TRAF3IP3: variants seen among roughly 807,000 people sequenced by gnomAD.
The protein encoded by TRAF3IP3 is TRAF3 interacting protein 3, also known as TRAF3-interacting JNK-activating modulator.
A neutral mutation model predicts 86.5 loss-of-function variants in TRAF3IP3; 64 were observed. The observed-to-expected ratio is 0.74, with a 90% CI of 0.60 to 0.91. The LOEUF (loss-of-function observed/expected upper bound fraction) is 0.91. Ranked by LOEUF, TRAF3IP3 falls within the 40% of genes least tolerant of loss-of-function variation. The pLI is 0.00. For synonymous variants in TRAF3IP3, 220 were observed against 243.9 expected, an observed-to-expected ratio of 0.90 and a Z score of 0.91; for missense variants, 579 against 642.9, an observed-to-expected ratio of 0.90 and a Z score of 1.07.
intron 14 of TRAF3IP3, chr1:209,779,760 G>GAAT: frequency 1.9e-6 from 1 of 517,078 alleles, no homozygotes; most frequent in Non-Finnish European, 3.4e-6. Context: ...GCCCTAGAGA[G>GAAT]TCTACTGTCC....
intron 15 of TRAF3IP3, chr1:209,780,839 A>G: frequency 3.3e-6 from 1 of 299,384 alleles, no homozygotes; most frequent in Admixed American, 5.1e-5. Context: ...TAGAAAGTCG[A>G]CCAAAACTCA....
intron 9 of TRAF3IP3, 84 bp downstream of exon 9, chr1:209,773,103 G>T: frequency 8.3e-7 from 1 of 1,204,366 alleles, no homozygotes; most frequent in South Asian, 1.4e-5. Flanking sequence ...TTACTTTCGA[G>T]AAACACCACC....
At chr1:209,775,806 T>G in intron 11 of TRAF3IP3, 70 bp downstream of exon 11, 1 of 1,484,356 alleles carries the variant, frequency 6.7e-7, no homozygotes, top group South Asian at 1.3e-5. Flanking sequence ...AAGAAGCTGT[T>G]CTGGATTAGG....
intron 14 of TRAF3IP3, 173 bp downstream of exon 14, chr1:209,779,547 A>G (rs1391333066): frequency 1.4e-6 from 1 of 719,598 alleles, no homozygotes; most frequent in Non-Finnish European, 2.6e-6. Context: ...GGACACTTCA[A>G]CTAGTTAGCC....
chr1:209,769,965 G>C (rs1195471898), intron 8 of TRAF3IP3, among the ~76,000 whole-genome samples: 4 of 152,120 alleles, frequency 2.6e-5, no homozygotes, highest in Non-Finnish European at 5.9e-5. Flanking sequence ...ACTCCAGGCT[G>C]GAAGAACAAA....
Position 209,762,544 on chromosome 1 carries a change from A to T in TRAF3IP3, c.375A>T (p.Pro125=), listed in dbSNP as rs1458729202. The T allele has an allele frequency of 6.8e-7, 1 of 1,478,986 alleles. No individual in the cohort carries two copies. The highest frequency in any genetic ancestry group is 9.0e-7 in the Non-Finnish European group (1 of 1,115,072). The allele number at this position is 1,478,986 out of a possible 1,614,324, so 91.6% of individuals were successfully genotyped here. A position where few individuals can be genotyped will look rare whatever the true frequency, so the allele number is the denominator to read the frequency against. ...CAGGCACCAGCTCTGAAGTCTTTCC[A>T]GCCCAGCATCCTCCTCCCTCAGGCA... is the stretch of plus-strand genomic sequence containing the variant. The part of the protein sequence containing the change: ...QVTGTSSEVF[P]AQHPPPSGIC... Residue 125 remains proline (P), a synonymous_variant, in exon 4 of 17, where the codon CCA becomes CCT. Transcript: ENST00000367025.
At chr1:209,765,217 GA>G (rs1199260631) in intron 8 of TRAF3IP3, among the ~76,000 whole-genome samples, 5,750 of 94,100 alleles carry the variant, frequency 0.061, 861 homozygotes, top group African/African-American at 0.18. Context: ...GAGAGAGGGA[GA>G]GAGAGAGAGA....
intron 12 of TRAF3IP3, 180 bp downstream of exon 12, chr1:209,777,667 G>A (rs2077686733): frequency 3.1e-6 from 2 of 648,750 alleles, no homozygotes; most frequent in Admixed American, 6.4e-5. Context: ...ATCCAAAATT[G>A]AAAATTAATT....
chr1:209,774,191 T>C (rs138165518), intron 9 of TRAF3IP3, among the ~76,000 whole-genome samples: 57 of 152,322 alleles, frequency 3.7e-4, no homozygotes, highest in African/African-American at 1.2e-3. Context: ...CCCAGTGAAT[T>C]TGCAAAGCTG....
intron 8 of TRAF3IP3, chr1:209,768,801 C>A: frequency 3.2e-6 from 2 of 630,624 alleles, no homozygotes; most frequent in Non-Finnish European, 4.0e-6. Flanking sequence ...TAACACTGGG[C>A]TTCAGTGTGG....
At chr1:209,768,362 G>C in intron 8 of TRAF3IP3, 3 of 985,464 alleles carry the variant, frequency 3.0e-6, no homozygotes, top group Non-Finnish European at 3.6e-6. Context: ...CTCCTGAGGA[G>C]GGTCCAACCT....
chr1:209,770,823 G>A (rs2077473248), intron 8 of TRAF3IP3, among the ~76,000 whole-genome samples: 1 of 52,714 alleles, frequency 1.9e-5, no homozygotes, highest in African/African-American at 5.9e-5. Context: ...GCAGGTGGAG[G>A]TGTGTGTCTA....
intron 1 of TRAF3IP3, 162 bp from the exon 2 acceptor site, chr1:209,758,872 G>A (rs761994603): frequency 1.3e-5 from 2 of 152,736 alleles, no homozygotes; most frequent in Non-Finnish European, 2.9e-5. Context: ...GGGAAGAGTA[G>A]GAAAGAGAAA....
chr1:209,768,438 G>A (rs1057438239), intron 8 of TRAF3IP3: 1 of 985,400 alleles, frequency 1.0e-6, no homozygotes, highest in African/African-American at 1.7e-5. Context: ...ACAAAAACGA[G>A]AGCAGGGCAG....
At chr1:209,775,127 T>C (rs749981571) in intron 9 of TRAF3IP3, among the ~76,000 whole-genome samples, 2 of 152,158 alleles carry the variant, frequency 1.3e-5, no homozygotes, top group East Asian at 1.9e-4. Context: ...GCCTCAGATA[T>C]AATGCCCAGG....
chr1:209,774,312 T>G (rs2077607818), intron 9 of TRAF3IP3, among the ~76,000 whole-genome samples: 1 of 152,220 alleles, frequency 6.6e-6, no homozygotes, highest in Non-Finnish European at 1.5e-5. Flanking sequence ...TGATTTTTTT[T>G]TAAAGCAGCA....
rs772117875 is a variant in TRAF3IP3 at position 209,760,390 on chromosome 1, C to CCGT, written c.345+7_345+9dup. On this transcript the variant is annotated splice_region_variant and intron_variant, in intron 3 of 16. Transcript: ENST00000367025. ...TTTCTTCTCCCAGAGAGCAGGTGGG[C>CCGT]CGTGTCAAGGGACATACTGCTGTGT... 5.7e-6 allele frequency: 9 copies of CCGT among 1,573,278 alleles called. No homozygotes were observed. Among genetic ancestry groups the CCGT allele is most frequent in the Non-Finnish European group, 6.9e-6 (8 of 1,158,984 alleles).
intron 1 of TRAF3IP3, among the ~76,000 whole-genome samples, chr1:209,758,067 G>A (rs989151956): frequency 6.9e-6 from 1 of 145,948 alleles, no homozygotes; most frequent in Non-Finnish European, 1.6e-5. Flanking sequence ...CAGGGATGCT[G>A]TGAGTGTAGG....
In TRAF3IP3 at chr1:209,781,916, G is replaced by C. The variant is rs556508372; in HGVS notation, c.1564-140G>C. 6.5e-5 allele frequency: 42 copies of C among 643,984 alleles called. No individual in the cohort carries two copies. In the East Asian group the frequency reaches 1.1e-3, roughly 17 times the overall value. The allele number at this position is 643,984 out of a possible 1,614,324, so 39.9% of individuals were successfully genotyped here. ...TTATCCCAAGACAGGTGACAAAATG[G>C]GAGACAGAGTAAAAAGCTTTTTCTC... On this transcript the variant is annotated intron_variant, in intron 16 of 16. Coordinates refer to ENST00000367025, the MANE Select transcript of TRAF3IP3 (RefSeq NM_025228.4).
Sources: allele counts gnomAD v4.1 joint callset (sites outside exome capture counted in the v4.1 genomes callset), GRCh38; gene constraint gnomAD v4.1.1; transcripts MANE v1.5; gene names NCBI Gene and HGNC (gene_info 2026-07-23, HGNC 2026-07-21).